The following TTC5 variants were observed in gnomAD, a reference collection of about 807,000 sequenced individuals.
TTC5 encodes the protein tetratricopeptide repeat protein 5.
TTC5 carries 46 observed loss-of-function variants against 57.4 expected under a neutral mutation model. The observed-to-expected ratio is 0.80, with a 90% CI of 0.63 to 1.03. TTC5 has a LOEUF of 1.03. TTC5 is among the 50% of genes least tolerant of loss of function. The pLI is 0.00. For missense variants in TTC5, 504 were observed against 528.1 expected (o/e 0.95, Z 0.45); for synonymous variants, 190 against 203.5 (o/e 0.93, Z 0.57).
rs925267387 is a variant in TTC5 at position 20,288,327 on chromosome 14, T to G, written c.*1300A>C. 6.6e-6 allele frequency: 1 copy of G among 152,262 alleles called. No homozygotes were observed. The highest frequency in any genetic ancestry group is 2.4e-5 in the African/African-American group (1 of 41,476). 9.4% of individuals were successfully genotyped at this position (152,262 alleles called of 1,614,324 possible). On this transcript the variant is annotated 3_prime_UTR_variant, in exon 10 of 10. Coordinates refer to ENST00000258821, the MANE Select transcript of TTC5 (RefSeq NM_138376.3). ...GATATTCAAGGCACTGATCAAAAACTGAACAGGACTGGACCAAGAACAAAG... is the reference window on the plus strand; with the variant it reads ...GATATTCAAGGCACTGATCAAAAACGGAACAGGACTGGACCAAGAACAAAG...
intron 9 of TTC5, among the ~76,000 whole-genome samples, chr14:20,290,576 C>T (rs1265298767): frequency 6.6e-6 from 1 of 152,188 alleles, no homozygotes; most frequent in Non-Finnish European, 1.5e-5. Context: ...CACTTATTTA[C>T]ATCCACTGTT....
chr14:20,300,070 C>T (rs1443808344), intron 3 of TTC5, among the ~76,000 whole-genome samples: 2 of 148,814 alleles, frequency 1.3e-5, no homozygotes, highest in South Asian at 2.2e-4. Context: ...GAACTCCTGA[C>T]CTCAAATGAT....
intron 2 of TTC5, among the ~76,000 whole-genome samples, chr14:20,301,226 A>C (rs1032354269): frequency 6.6e-6 from 1 of 152,236 alleles, no homozygotes; most frequent in Non-Finnish European, 1.5e-5. Flanking sequence ...CGTTAAAACA[A>C]AACAGAGAGA....
At chr14:20,300,277 G>A (rs1882162105) in intron 3 of TTC5, 1 of 216,532 alleles carries the variant, frequency 4.6e-6, no homozygotes, top group Admixed American at 5.3e-5. Flanking sequence ...AGGATTACAG[G>A]TGTAAGCTAC....
intron 9 of TTC5, among the ~76,000 whole-genome samples, chr14:20,290,274 A>AG (rs1466775213): frequency 1.3e-5 from 2 of 152,254 alleles, no homozygotes; most frequent in Non-Finnish European, 2.9e-5. Context: ...AAAAGGTATC[A>AG]GCTCACTGTA....
At chr14:20,300,460 G>C in intron 3 of TTC5, 147 bp downstream of exon 3, 1 of 665,660 alleles carries the variant, frequency 1.5e-6, no homozygotes, top group Non-Finnish European at 2.5e-6. Flanking sequence ...CCTCATTCAG[G>C]TCTGCTCTCT....
rs1882139480 is a variant in TTC5, at chr14:20,299,557, T to G, written c.397-109A>C. On this transcript the variant is annotated intron_variant, in intron 3 of 9. Transcript: ENST00000258821. ...TAATTTTTTACCTTTCTAAGTTTTTTGTTTTGTTTTGTTTGAGGTGGAGTC... is the reference window on the plus strand; with the variant it reads ...TAATTTTTTACCTTTCTAAGTTTTTGGTTTTGTTTTGTTTGAGGTGGAGTC... 4 of 1,263,268 alleles carry G rather than the reference T, an allele frequency of 3.2e-6. No individual in the cohort carries two copies. The South Asian group carries it at 5.0e-5, about 16-fold the overall frequency. 78.3% of individuals were successfully genotyped at this position (1,263,268 alleles called of 1,614,324 possible).
chr14:20,301,943 G>A lies in TTC5; in HGVS notation c.74C>T (p.Ser25Leu), dbSNP rs753253142. The A allele has an allele frequency of 9.3e-6, 15 of 1,613,976 alleles. No homozygotes were observed. The highest frequency in any genetic ancestry group is 1.3e-5 in the Non-Finnish European group (15 of 1,179,996). ...KLQELVDQLY[S>L]FRDCYFETHS... ...TGTCTCGAAATAGCAGTCTCGAAAT[G>A]AGTAGAGCTGATCCACGAGTTCCTA... Residue 25 changes from serine (S) to leucine (L), a missense_variant, in exon 2 of 10, where the codon TCA becomes TTA. Physicochemically the swap from Ser to Leu is moderately radical, Grantham distance 145. Transcript: ENST00000258821.
In TTC5 at chr14:20,291,987, C is replaced by A. The variant is rs1881962776; in HGVS notation, c.1199G>T (p.Gly400Val). The change falls in exon 9 of 10, where the codon GGA (glycine) becomes GTA (valine). Residue 400 changes from glycine (G) to valine (V), a missense_variant. Physicochemically the swap from Gly to Val is moderately radical, Grantham distance 109. Coordinates refer to ENST00000258821, the MANE Select transcript of TTC5 (RefSeq NM_138376.3). ...AGAATCCTAGCCATTGCTCACCTTT[C>A]CTTTGTGCTGAATTCGGTGAAGCCG... ...NLRLHRIQHK[G>V]KDYSFSSVRV... The A allele has an allele frequency of 1.3e-6, 2 of 1,581,476 alleles. No homozygotes were observed. The highest frequency in any genetic ancestry group is 1.7e-6 in the Non-Finnish European group (2 of 1,165,150).
rs1379242114 is a variant in TTC5, at chr14:20,296,386, T to A, written c.696+4A>T. The A allele has an allele frequency of 6.2e-7, 1 of 1,611,426 alleles. No homozygotes were observed. Among genetic ancestry groups the A allele is most frequent in the Admixed American group, 1.7e-5 (1 of 60,018 alleles). On this transcript the variant is annotated splice_donor_region_variant and intron_variant, in intron 6 of 9. Transcript: ENST00000258821. ...CTCAGATGACTACACCCCAAAGGTC[T>A]TACCGTCGCCCTGTTCAGATGAAGG...
At chr14:20,301,216 C>T (rs895199430) in intron 2 of TTC5, among the ~76,000 whole-genome samples, 3 of 152,070 alleles carry the variant, frequency 2.0e-5, no homozygotes, top group Non-Finnish European at 4.4e-5. Context: ...AAATAGTTAT[C>T]GTTAAAACAA....
At chr14:20,305,270 G>A (rs1345521231) in intron 1 of TTC5, 2 of 152,300 alleles carry the variant, frequency 1.3e-5, no homozygotes. Flanking sequence ...AGTTCCTGAG[G>A]TGTAAGGAAA....
chr14:20,296,299 T>C, intron 6 of TTC5, 91 bp downstream of exon 6: 1 of 1,040,570 alleles, frequency 9.6e-7, no homozygotes, highest in Non-Finnish European at 1.5e-6. Flanking sequence ...TACCCAATCT[T>C]GTCCCTATGC....
intron 3 of TTC5, among the ~76,000 whole-genome samples, chr14:20,300,143 G>GTATGTATATATATATATATATA (rs56828704): frequency 3.7e-5 from 1 of 27,148 alleles, no homozygotes; most frequent in Admixed American, 4.6e-4. Context: ...TCTGGTCCAT[G>GTATGTATATATATATATATATA]TATATATATA....
intron 5 of TTC5, among the ~76,000 whole-genome samples, chr14:20,297,100 C>A (rs1882081763): frequency 6.6e-6 from 1 of 152,060 alleles, no homozygotes; most frequent in African/African-American, 2.4e-5. Context: ...TGAAGAAAGG[C>A]TAGGATAGAA....
In TTC5 at chr14:20,299,433, A is replaced by T; in HGVS notation, c.412T>A (p.Ser138Thr). Residue 138 changes from serine (S) to threonine (T), a missense_variant, in exon 4 of 10, where the codon TCC becomes ACC. Physicochemically the swap from Ser to Thr is moderately conservative, Grantham distance 58 (BLOSUM62 1). Transcript: ENST00000258821. ...GALTHCRNKV[S>T]LQNLSMVLRQ... ...AGCACCATTGACAGGTTTTGCAAGGAGACTTTGTTCCTGCACTGCAAATAG... is the reference window on the plus strand; with the variant it reads ...AGCACCATTGACAGGTTTTGCAAGGTGACTTTGTTCCTGCACTGCAAATAG... 2 of 1,613,934 alleles carry T rather than the reference A, an allele frequency of 1.2e-6. No individual in the cohort carries two copies. The highest frequency in any genetic ancestry group is 1.7e-6 in the Non-Finnish European group (2 of 1,180,030).
chr14:20,295,779 G>A lies in TTC5; in HGVS notation c.772C>T (p.Pro258Ser). 6.2e-7 allele frequency: 1 copy of A among 1,614,008 alleles called. No homozygotes were observed. ...SRAAALDPAW[P>S]EPRQREQQLL... ...TGTTGCTCTCGTTGCCGGGGCTCTG[G>A]CCAGGCAGGGTCCAGGGCTGCAGCC... The change falls in exon 7 of 10, where the codon CCA becomes TCA. Residue 258 changes from proline to serine, a missense_variant. Coordinates refer to ENST00000258821, the MANE Select transcript of TTC5 (RefSeq NM_138376.3).
Position 20,300,708 on chromosome 14 carries a change from C to A in TTC5, c.295G>T (p.Glu99Ter). Residue 99 changes from glutamate to a stop codon, truncating the protein, a stop_gained, in exon 3 of 10, where the codon GAG (glutamate) becomes TAG (stop). Coordinates refer to ENST00000258821, the MANE Select transcript of TTC5 (RefSeq NM_138376.3). LOFTEE classifies it high-confidence loss of function. ...EELLSKAVKL[E>*]PELVEAWNQL... ...TTCCAGGCTTCCACCAGCTCGGGCT[C>A]CAGCTTCACAGCCTTTGACAGAAGC... 6.2e-7 allele frequency: 1 copy of A among 1,614,174 alleles called. No homozygotes were observed. Among genetic ancestry groups the A allele is most frequent in the Non-Finnish European group, 8.5e-7 (1 of 1,180,036 alleles).
intron 1 of TTC5, 48 bp from the exon 2 acceptor site, chr14:20,302,013 G>T (rs1207234961): frequency 3.7e-6 from 6 of 1,606,956 alleles, no homozygotes; most frequent in Non-Finnish European, 5.1e-6. Context: ...TCACTGGATA[G>T]GGAAACTTGA....
Sources: allele counts gnomAD v4.1 joint callset (sites outside exome capture counted in the v4.1 genomes callset), GRCh38; gene constraint gnomAD v4.1.1; transcripts MANE v1.5; gene names NCBI Gene and HGNC (gene_info 2026-07-23, HGNC 2026-07-21).